Variants in STK36 observed in about 807,000 individuals in gnomAD.
STK36 encodes serine/threonine kinase 36, also known as serine/threonine-protein kinase 36.
STK36 carries 116 observed loss-of-function variants against 142.2 expected under a neutral mutation model. That is an observed-to-expected ratio of 0.82 (90% confidence interval 0.70 to 0.95). The LOEUF (loss-of-function observed/expected upper bound fraction) is 0.95. STK36 is among the 40% of genes least tolerant of loss of function. The pLI, the probability that STK36 is intolerant of heterozygous loss-of-function variation, is 0.00. For missense variants in STK36, 1,422 were observed against 1,617.2 expected, an observed-to-expected ratio of 0.88 and a Z score of 2.07; for synonymous variants, 619 against 641.7, an observed-to-expected ratio of 0.96 and a Z score of 0.53.
rs772129604 is a variant in STK36 at position 218,679,202 on chromosome 2, G to A, written c.719G>A (p.Arg240Gln). 1.8e-5 allele frequency: 29 copies of A among 1,614,024 alleles called. No homozygotes were observed. Among genetic ancestry groups the A allele is most frequent in the South Asian group, 1.2e-4 (11 of 91,086 alleles). Reference sequence around the variant, plus strand: ...CAGGGACTGCTCACCAAAGACCCACGGCAGCGACTGTCCTGGCCAGACCTC... The same window carrying A: ...CAGGGACTGCTCACCAAAGACCCACAGCAGCGACTGTCCTGGCCAGACCTC... ...FLQGLLTKDP[R>Q]QRLSWPDLLY... Residue 240 changes from arginine (R) to glutamine (Q), a missense_variant, in exon 7 of 27, where the codon CGG becomes CAG. Physicochemically the swap from Arg to Gln is conservative, Grantham distance 43. Coordinates refer to ENST00000295709, the MANE Select transcript of STK36 (RefSeq NM_015690.5).
chr2:218,697,119 G>A lies in STK36; in HGVS notation c.2667G>A (p.Leu889=). The stretch of plus-strand genomic sequence containing the variant: ...TGTGGCACCGCTTCTCCATGGTCCT[G>A]AGGCTCCCCGAGGAGGCATCTGCAC... ...TVLWHRFSMV[L]RLPEEASAQE... Residue 889 remains leucine, a synonymous_variant, in exon 23 of 27, where the codon CTG becomes CTA. Transcript: ENST00000295709. 1 of 1,614,122 alleles carries A rather than the reference G, an allele frequency of 6.2e-7. No homozygotes were observed. Among genetic ancestry groups the A allele is most frequent in the Non-Finnish European group, 8.5e-7 (1 of 1,180,020 alleles).
chr2:218,686,237 C>G (rs1390654986), intron 11 of STK36, among the ~76,000 whole-genome samples: 1 of 151,922 alleles, frequency 6.6e-6, no homozygotes, highest in African/African-American at 2.4e-5. Flanking sequence ...CCGTGCCCAG[C>G]CTTTTTAAAA....
Position 218,694,296 on chromosome 2 carries a change from T to G in STK36, c.2369T>G (p.Leu790Arg), listed in dbSNP as rs1268717740. The part of the protein sequence containing the change: ...MEKLGSDVAT[L>R]FTHSHVVSLV... ...AAGCTAGGCAGTGACGTTGCTACTC[T>G]CTTTACCCATTCGCATGTCGTCTCT... The change falls in exon 20 of 27, where the codon CTC becomes CGC. Residue 790 changes from leucine (L) to arginine (R), a missense_variant. This residue lies in a region of STK36 where 962 missense variants were observed against 1,167.5 expected (regional missense o/e 0.82). Transcript: ENST00000295709. The surrounding 1 kb of genome is among the most constrained non-coding windows in gnomAD (Gnocchi z 4.4). 6.2e-7 allele frequency: 1 copy of G among 1,614,184 alleles called. No homozygotes were observed.
In STK36 at chr2:218,702,390, C is replaced by T. The variant is rs59668029; in HGVS notation, c.*381C>T. Reference sequence around the variant, plus strand: ...CTTCCCAGCAGGTTTTTGCCTTAGACGTGCTGGCCCCAGGACAGTGATGAA... The same window carrying T: ...CTTCCCAGCAGGTTTTTGCCTTAGATGTGCTGGCCCCAGGACAGTGATGAA... On this transcript the variant is annotated 3_prime_UTR_variant, in exon 27 of 27. Coordinates refer to ENST00000295709, the MANE Select transcript of STK36 (RefSeq NM_015690.5). 0.022 allele frequency: 3,676 copies of T among 169,890 alleles called. 155 individuals are homozygous for T. The highest frequency in any genetic ancestry group is 0.082 in the African/African-American group (3,445 of 41,796). 10.5% of individuals were successfully genotyped at this position (169,890 alleles called of 1,614,324 possible). A position where few individuals can be genotyped will look rare whatever the true frequency, so the allele number is the denominator to read the frequency against.
In STK36 at chr2:218,692,500, G is replaced by T. The variant is rs146656059; in HGVS notation, c.1916-83G>T. On this transcript the variant is annotated intron_variant, in intron 15 of 26. Coordinates refer to ENST00000295709, the MANE Select transcript of STK36 (RefSeq NM_015690.5). ...CCACTCCCTTAGGTTCCCTACTCCT[G>T]CTGCCATGTCGGTGAGTACTGGTGC... 1.4e-3 allele frequency: 2,081 copies of T among 1,531,484 alleles called. 4 individuals carry two copies. Among genetic ancestry groups the T allele is most frequent in the South Asian group, 2.0e-3 (154 of 77,952 alleles). 94.9% of individuals were successfully genotyped at this position (1,531,484 alleles called of 1,614,324 possible).
chr2:218,676,418 G>C, intron 6 of STK36, 140 bp downstream of exon 6: 2 of 1,173,490 alleles, frequency 1.7e-6, no homozygotes, highest in Non-Finnish European at 2.4e-6. Context: ...TTCTGTTCTC[G>C]CATTGCTATA....
intron 14 of STK36, among the ~76,000 whole-genome samples, chr2:218,691,564 CTTTT>C (rs150534089): frequency 6.8e-6 from 1 of 147,788 alleles, no homozygotes; most frequent in Non-Finnish European, 1.5e-5. Flanking sequence ...CTTTTCTTTC[CTTTT>C]TTTTTTGGAG....
chr2:218,679,083 G>A, intron 6 of STK36, 85 bp from the exon 7 acceptor site: 1 of 1,300,474 alleles, frequency 7.7e-7, no homozygotes, highest in Non-Finnish European at 1.1e-6. Flanking sequence ...ATGGATGTGG[G>A]ATTCTTGGTT....
intron 24 of STK36, 38 bp downstream of exon 24, chr2:218,697,648 C>T (rs771062546): frequency 1.8e-5 from 29 of 1,610,456 alleles, no homozygotes; most frequent in African/African-American, 1.1e-4. Context: ...GAGTCAGCAA[C>T]GGGGAGGGAG....
chr2:218,679,097 TA>T, intron 6 of STK36, 70 bp from the exon 7 acceptor site: 2 of 1,435,344 alleles, frequency 1.4e-6, no homozygotes, highest in Non-Finnish European at 2.0e-6. Context: ...CTTGGTTTGC[TA>T]GTTCTGCTGA....
At chr2:218,684,957 C>T in intron 10 of STK36, 128 bp from the exon 11 acceptor site, 2 of 1,159,914 alleles carry the variant, frequency 1.7e-6, no homozygotes, top group South Asian at 1.5e-5. Context: ...TGAAGATATA[C>T]ATCTGTGCTA....
At chr2:218,679,089 T>C in intron 6 of STK36, 79 bp from the exon 7 acceptor site, 1 of 1,370,268 alleles carries the variant, frequency 7.3e-7, no homozygotes, top group East Asian at 2.3e-5. Flanking sequence ...GTGGGATTCT[T>C]GGTTTGCTAG....
chr2:218,688,884 C>G lies in STK36; in HGVS notation c.1560+8C>G, dbSNP rs114191000. On this transcript the variant is annotated splice_region_variant and intron_variant, in intron 12 of 26. Transcript: ENST00000295709. Reference sequence around the variant, plus strand: ...AGCAACAGCCTCCAGCAGGTAAGCACCAGGCCAGAAGCCTCTGAAGACTTA... The same window carrying G: ...AGCAACAGCCTCCAGCAGGTAAGCAGCAGGCCAGAAGCCTCTGAAGACTTA... 3.7e-6 allele frequency: 6 copies of G among 1,600,760 alleles called. No homozygotes were observed. The highest frequency in any genetic ancestry group is 2.2e-5 in the East Asian group (1 of 44,590).
rs148974664 is a variant in STK36 at position 218,694,316 on chromosome 2, G to A, written c.2389G>A (p.Val797Ile). The change falls in exon 20 of 27, where the codon GTC (valine) becomes ATC (isoleucine). Residue 797 changes from valine (V) to isoleucine (I), a missense_variant. This residue lies in a region of STK36 where 962 missense variants were observed against 1,167.5 expected (regional missense o/e 0.82). Coordinates refer to ENST00000295709, the MANE Select transcript of STK36 (RefSeq NM_015690.5). This position sits in a 1 kb window ranked among gnomAD's most constrained non-coding sequence, Gnocchi z 4.4. ...VATLFTHSHV[V>I]SLVSAAACLL... ...TACTCTCTTTACCCATTCGCATGTC[G>A]TCTCTCTTGTGGTAAGTTTTTAACC... 1.4e-5 allele frequency: 23 copies of A among 1,613,868 alleles called. No individual in the cohort carries two copies. Among genetic ancestry groups the A allele is most frequent in the African/African-American group, 1.2e-4 (9 of 74,902 alleles).
intron 12 of STK36, among the ~76,000 whole-genome samples, 154 bp downstream of exon 12, chr2:218,689,030 CT>C (rs1160939406): frequency 6.6e-6 from 1 of 152,154 alleles, no homozygotes; most frequent in Non-Finnish European, 1.5e-5. Context: ...ACTCTAATGC[CT>C]TCTGGGGCCA....
chr2:218,693,660 C>A, intron 17 of STK36, 63 bp from the exon 18 acceptor site: 1 of 1,476,074 alleles, frequency 6.8e-7, no homozygotes, highest in Non-Finnish European at 9.3e-7. Flanking sequence ...TTCCGCTGAG[C>A]CTTCAATCTT....
intron 11 of STK36, among the ~76,000 whole-genome samples, chr2:218,685,951 T>G (rs1940756276): frequency 6.6e-6 from 1 of 152,174 alleles, no homozygotes; most frequent in Admixed American, 6.5e-5. Context: ...TACGGTTTTT[T>G]TTTTGAGACG....
At chr2:218,678,546 A>G (rs1488085700) in intron 6 of STK36, among the ~76,000 whole-genome samples, 1 of 152,182 alleles carries the variant, frequency 6.6e-6, no homozygotes, top group Non-Finnish European at 1.5e-5. Flanking sequence ...AGTGGTCATA[A>G]TCTACTAATA....
Position 218,679,675 on chromosome 2 carries a change from G to T in STK36, c.894G>T (p.Gln298His), listed in dbSNP as rs796506294. Reference protein sequence around the residue: ...QAHRLAPKGNQSRILTQAYKR... With the variant: ...QAHRLAPKGNHSRILTQAYKR... ...ATCGGTTGGCCCCCAAGGGTAATCA[G>T]TCTCGCATCTTGACTCAGGCCTATA... The change falls in exon 8 of 27, where the codon CAG (glutamine) becomes CAT (histidine). Residue 298 changes from glutamine to histidine, a missense_variant. Around this residue, in one of 2 missense-constraint regions of STK36, gnomAD observed 460 missense variants for 449.6 expected, o/e 1.02. Coordinates refer to ENST00000295709, the MANE Select transcript of STK36 (RefSeq NM_015690.5). 6.2e-7 allele frequency: 1 copy of T among 1,614,208 alleles called. No homozygotes were observed. Among genetic ancestry groups the T allele is most frequent in the Non-Finnish European group, 8.5e-7 (1 of 1,180,054 alleles).
Sources: allele counts gnomAD v4.1 joint callset (sites outside exome capture counted in the v4.1 genomes callset), GRCh38; gene constraint gnomAD v4.1.1; regional missense constraint gnomAD v4.1.1; non-coding constraint Gnocchi (gnomAD v3.1); transcripts MANE v1.5; gene names NCBI Gene and HGNC (gene_info 2026-07-23, HGNC 2026-07-21).